The following HECW2 variants were observed in gnomAD, a reference collection of about 807,000 sequenced individuals.
HECW2 encodes the protein HECT, C2 and WW domain containing E3 ubiquitin protein ligase 2.
A neutral mutation model predicts 175.2 loss-of-function variants in HECW2; 61 were observed. The ratio of observed to expected loss-of-function variants is 0.35; its 90% confidence interval spans 0.28 to 0.43. The LOEUF (loss-of-function observed/expected upper bound fraction) is 0.43, where lower values mean the gene tolerates loss of function less well. HECW2 is among the 20% of genes least tolerant of loss of function. The pLI is 1.00. For synonymous variants in HECW2, 671 were observed against 731.0 expected, an observed-to-expected ratio of 0.92 and a Z score of 1.32; for missense variants, 1,524 against 2,000.5, an observed-to-expected ratio of 0.76 and a Z score of 4.54.
At position 196,199,423 on chromosome 2, in the gene HECW2, G is replaced by T. The variant is rs1011642003; in HGVS notation, c.*1854C>A. On this transcript the variant is annotated 3_prime_UTR_variant, in exon 29 of 29. Coordinates refer to ENST00000644978, the MANE Select transcript of HECW2 (RefSeq NM_001348768.2). ...AACATTTCTTCACACTGCAGTACGT[G>T]CCTTTAGTGCAGGAGTGTAACATAA... 1 of 152,486 alleles carries T rather than the reference G, an allele frequency of 6.6e-6. No homozygotes were observed. Among genetic ancestry groups the T allele is most frequent in the Non-Finnish European group, 1.5e-5 (1 of 68,004 alleles). The allele number at this position is 152,486 out of a possible 1,614,324, so 9.4% of individuals were successfully genotyped here. A position where few individuals can be genotyped will look rare whatever the true frequency, so the allele number is the denominator to read the frequency against.
In HECW2 at chr2:196,571,979, C is replaced by T. The variant is rs12104933; in HGVS notation, c.-36+21529G>A. On this transcript the variant is annotated intron_variant, in intron 1 of 28. Coordinates refer to ENST00000644978, the MANE Select transcript of HECW2 (RefSeq NM_001348768.2). ...GGGAAGGAAATTCTGACACATACTA[C>T]AACATGGAAGAATCTTGAGGGCATT... 4.8e-3 allele frequency among the ~76,000 whole-genome samples: 737 copies of T among 152,264 alleles called. 6 individuals are homozygous for T. Among genetic ancestry groups the T allele is most frequent in the African/African-American group, 0.016 (685 of 41,554 alleles).
chr2:196,252,859 C>T (rs1688908905), intron 19 of HECW2, among the ~76,000 whole-genome samples: 1 of 151,976 alleles, frequency 6.6e-6, no homozygotes, highest in Non-Finnish European at 1.5e-5. Context: ...CCCAAATACC[C>T]CATCCCCAGC....
intron 21 of HECW2, among the ~76,000 whole-genome samples, chr2:196,233,339 T>A (rs1477385535): frequency 6.6e-6 from 1 of 152,170 alleles, no homozygotes; most frequent in African/African-American, 2.4e-5. Context: ...TTAAATATCA[T>A]CACATGGCTG....
chr2:196,472,120 G>C (rs114945455), intron 1 of HECW2, among the ~76,000 whole-genome samples: 1 of 151,928 alleles, frequency 6.6e-6, no homozygotes, highest in Non-Finnish European at 1.5e-5. Flanking sequence ...CACATTTAGA[G>C]GGCGAAAAAA....
At chr2:196,359,628 T>G (rs764445535) in intron 2 of HECW2, among the ~76,000 whole-genome samples, 3 of 152,236 alleles carry the variant, frequency 2.0e-5, no homozygotes, top group Non-Finnish European at 4.4e-5. Context: ...AAATACAATG[T>G]TCAATACAAA....
At chr2:196,402,200 C>CAAAAAAA (rs55851966) in intron 2 of HECW2, among the ~76,000 whole-genome samples, 1 of 70,348 alleles carries the variant, frequency 1.4e-5, no homozygotes, top group Non-Finnish European at 2.6e-5. Flanking sequence ...GACTCTGTCT[C>CAAAAAAA]AAAAAAAAAA....
intron 1 of HECW2, among the ~76,000 whole-genome samples, chr2:196,512,878 G>A (rs184742147): frequency 1.4e-3 from 220 of 151,986 alleles, no homozygotes; most frequent in Non-Finnish European, 2.6e-3. Flanking sequence ...TTTTAGTAGA[G>A]ACGGGGCCTC....
In HECW2 at chr2:196,240,437, T is replaced by A. The variant is rs201600229; in HGVS notation, c.3764+12A>T. 2.5e-6 allele frequency: 4 copies of A among 1,580,502 alleles called. No homozygotes were observed. The South Asian group carries it at 4.6e-5, about 18-fold the overall frequency. ...GCCTATGTTCCACAGGCCACTTCTC[T>A]GTTCTACTCACCCTTCCTCCCCAAC... On this transcript the variant is annotated intron_variant, in intron 21 of 28. Transcript: ENST00000644978.
At chr2:196,517,913 T>G (rs1688208064) in intron 1 of HECW2, among the ~76,000 whole-genome samples, 1 of 152,122 alleles carries the variant, frequency 6.6e-6, no homozygotes, top group Non-Finnish European at 1.5e-5. Flanking sequence ...TTCCCCTAAT[T>G]CCACCTCAAA....
At chr2:196,328,150 G>A (rs1468755594) in intron 5 of HECW2, among the ~76,000 whole-genome samples, 4 of 151,994 alleles carry the variant, frequency 2.6e-5, no homozygotes, top group Admixed American at 1.3e-4. Context: ...TATCAGGGTC[G>A]ACAAATTGTT....
chr2:196,402,351 G>A (rs11891567), intron 2 of HECW2, among the ~76,000 whole-genome samples: 9 of 152,076 alleles, frequency 5.9e-5, no homozygotes, highest in Non-Finnish European at 1.3e-4. Flanking sequence ...TTTCTGGGGG[G>A]ATGGCTTGCA....
At chr2:196,553,972 C>CA (rs1689693979) in intron 1 of HECW2, among the ~76,000 whole-genome samples, 1 of 152,196 alleles carries the variant, frequency 6.6e-6, no homozygotes, top group African/African-American at 2.4e-5. Flanking sequence ...CCAAATGGCA[C>CA]AAAAGCCAAG....
chr2:196,359,381 G>T (rs1693503638), intron 2 of HECW2, among the ~76,000 whole-genome samples: 1 of 152,188 alleles, frequency 6.6e-6, no homozygotes, highest in Non-Finnish European at 1.5e-5. Flanking sequence ...CTGGGAGGCA[G>T]AGGTTGCAGT....
chr2:196,278,215 C>G (rs1690049364), intron 15 of HECW2, among the ~76,000 whole-genome samples: 1 of 141,010 alleles, frequency 7.1e-6, no homozygotes, highest in South Asian at 2.3e-4. Context: ...AATGGGTGTG[C>G]AAATGGGCTT....
chr2:196,367,990 A>G (rs1445436662), intron 2 of HECW2, among the ~76,000 whole-genome samples: 1 of 151,290 alleles, frequency 6.6e-6, no homozygotes, highest in Non-Finnish European at 1.5e-5. Context: ...TATATGATAC[A>G]TATATATATA....
rs565754847 is a variant in HECW2, at chr2:196,493,809, G to A, written c.-35-60351C>T. Among the ~76,000 whole-genome samples, 39 of 152,242 alleles carry A rather than the reference G, an allele frequency of 2.6e-4. 1 individual carries two copies. The highest frequency in any genetic ancestry group is 2.6e-3 in the Admixed American group (39 of 15,294). The stretch of plus-strand genomic sequence containing the variant: ...ATTAGCTCCTAAATTTGGGGGAGGA[G>A]GGAGAAGCCTTTTATGCTATTGGAA... On this transcript the variant is annotated intron_variant, in intron 1 of 28. Transcript: ENST00000644978.
At chr2:196,315,564 T>C (rs1691663074) in intron 10 of HECW2, among the ~76,000 whole-genome samples, 1 of 152,206 alleles carries the variant, frequency 6.6e-6, no homozygotes, top group Admixed American at 6.5e-5. Context: ...CTCCTGTTTG[T>C]CAGTCACTGA....
chr2:196,402,664 C>T (rs1254414096), intron 2 of HECW2, among the ~76,000 whole-genome samples: 1 of 152,000 alleles, frequency 6.6e-6, no homozygotes, highest in Non-Finnish European at 1.5e-5. Flanking sequence ...TCCTGAAACT[C>T]AAAAAACAAA....
At position 196,307,165 on chromosome 2, in the gene HECW2, G is replaced by A. The variant is rs1691297420; in HGVS notation, c.2654C>T (p.Ala885Val). 1.2e-6 allele frequency: 2 copies of A among 1,613,742 alleles called. No homozygotes were observed. Among genetic ancestry groups the A allele is most frequent in the African/African-American group, 1.3e-5 (1 of 75,020 alleles). The change falls in exon 12 of 29, where the codon GCA becomes GTA. Residue 885 changes from alanine (A) to valine (V), a missense_variant. Around this residue, in one of 11 missense-constraint regions of HECW2, gnomAD observed 105 missense variants for 98.1 expected, o/e 1.07. Coordinates refer to ENST00000644978, the MANE Select transcript of HECW2 (RefSeq NM_001348768.2). Reference protein sequence around the residue: ...PEENTNAIDGAGEEADFHQAS... With the variant: ...PEENTNAIDGVGEEADFHQAS... ...TTGGTGAAAGTCAGCTTCCTCCCCT[G>A]CCCCATCAATAGCATTGGTATTTTC...
Sources: gnomAD v4.1 joint callset for allele counts (sites outside exome capture counted in the v4.1 genomes callset) on GRCh38, gnomAD v4.1.1 for gene constraint, gnomAD v4.1.1 regional missense constraint, MANE v1.5 for transcripts, NCBI Gene and HGNC (gene_info 2026-07-23, HGNC 2026-07-21) for gene names.